The following ENTREP2 variants were observed in gnomAD, a reference collection of about 807,000 sequenced individuals.
ENTREP2 encodes the protein endosomal transmembrane epsin interactor 2.
chr15:29,411,050 T>A, the ENTREP2 span, among the ~76,000 whole-genome samples: 1 of 152,218 alleles, frequency 6.6e-6, no homozygotes, highest in African/African-American at 2.4e-5. Flanking sequence ...CCCAAACTGC[T>A]GAGATTACAG....
At chr15:29,596,699 G>C in the ENTREP2 span, among the ~76,000 whole-genome samples, 1 of 151,592 alleles carries the variant, frequency 6.6e-6, no homozygotes, top group Non-Finnish European at 1.5e-5. Flanking sequence ...ACAGATTCTT[G>C]CTCTGTTATT....
At chr15:29,178,578 G>A in the ENTREP2 span, among the ~76,000 whole-genome samples, 4 of 151,938 alleles carry the variant, frequency 2.6e-5, no homozygotes, top group Admixed American at 2.0e-4. Context: ...TAATCAGCTC[G>A]TCCCACAGTG....
At chr15:29,400,191 T>C in the ENTREP2 span, among the ~76,000 whole-genome samples, 1 of 152,200 alleles carries the variant, frequency 6.6e-6, no homozygotes, top group Non-Finnish European at 1.5e-5. Flanking sequence ...GTTACAATGA[T>C]GGGCAGGGTT....
the ENTREP2 span, among the ~76,000 whole-genome samples, chr15:29,458,958 G>A: frequency 1.4e-4 from 21 of 152,156 alleles, no homozygotes; most frequent in African/African-American, 3.4e-4. Flanking sequence ...TTCAGCAGGT[G>A]TCCGGTGCTG....
At chr15:29,216,015 G>GT in the ENTREP2 span, among the ~76,000 whole-genome samples, 4 of 152,058 alleles carry the variant, frequency 2.6e-5, no homozygotes, top group Non-Finnish European at 5.9e-5. Flanking sequence ...GAGTACTTTG[G>GT]TTTTTTTGTT....
chr15:29,360,864 A>T, the ENTREP2 span, among the ~76,000 whole-genome samples: 2 of 152,328 alleles, frequency 1.3e-5, no homozygotes, highest in South Asian at 4.1e-4. Context: ...TATTCCCTGG[A>T]CAGGCTGAGC....
chr15:29,370,161 TA>T, the ENTREP2 span, among the ~76,000 whole-genome samples: 7 of 151,962 alleles, frequency 4.6e-5, no homozygotes, highest in African/African-American at 1.7e-4. Context: ...GCAATTACAT[TA>T]AAAAATTAAA....
At chr15:29,217,082 A>G in the ENTREP2 span, among the ~76,000 whole-genome samples, 4 of 152,360 alleles carry the variant, frequency 2.6e-5, no homozygotes, top group East Asian at 7.7e-4. Context: ...GTTACAGGCA[A>G]GTAAACAGTT....
the ENTREP2 span, among the ~76,000 whole-genome samples, chr15:29,628,443 T>C: frequency 1.3e-5 from 2 of 152,236 alleles, no homozygotes; most frequent in Non-Finnish European, 2.9e-5. Context: ...CAGGTTTTCA[T>C]CTATCTTAAA....
chr15:29,482,164 ATT>A, the ENTREP2 span, among the ~76,000 whole-genome samples: 9 of 135,210 alleles, frequency 6.7e-5, no homozygotes, highest in Non-Finnish European at 7.8e-5. Flanking sequence ...CAGGCAGCTA[ATT>A]TTTTTTTTTT....
the ENTREP2 span, among the ~76,000 whole-genome samples, chr15:29,477,884 T>C: frequency 1.3e-5 from 2 of 151,694 alleles, no homozygotes; most frequent in African/African-American, 4.8e-5. Flanking sequence ...AATCACGTTC[T>C]GCTTCCCTCT....
chr15:29,326,179 T>C, the ENTREP2 span, among the ~76,000 whole-genome samples: 1 of 152,134 alleles, frequency 6.6e-6, no homozygotes, highest in East Asian at 1.9e-4. Flanking sequence ...GGCAAGGATA[T>C]CCTCTCTCAC....
At chr15:29,649,982 A>G in the ENTREP2 span, among the ~76,000 whole-genome samples, 1 of 152,082 alleles carries the variant, frequency 6.6e-6, no homozygotes, top group African/African-American at 2.4e-5. Context: ...CTGTACTATC[A>G]TAACCACCCC....
chr15:29,360,947 G>A, the ENTREP2 span, among the ~76,000 whole-genome samples: 1 of 152,220 alleles, frequency 6.6e-6, no homozygotes, highest in African/African-American at 2.4e-5. Context: ...TCTGAGGCTG[G>A]AGAGAAGACT....
At chr15:29,489,238 C>T in the ENTREP2 span, among the ~76,000 whole-genome samples, 48 of 152,308 alleles carry the variant, frequency 3.2e-4, no homozygotes, top group East Asian at 9.1e-3. Context: ...CTCTTCCTTC[C>T]TTCCTTACCT....
chr15:29,631,722 G>A, the ENTREP2 span, among the ~76,000 whole-genome samples: 2 of 152,164 alleles, frequency 1.3e-5, no homozygotes, highest in African/African-American at 4.8e-5. Flanking sequence ...GTCTAGCTGG[G>A]GGTGGGGACA....
the ENTREP2 span, among the ~76,000 whole-genome samples, chr15:29,359,914 A>G: frequency 6.6e-4 from 100 of 152,328 alleles, no homozygotes; most frequent in African/African-American, 2.4e-3. Context: ...TATTTATTGT[A>G]TATCATAAAA....
At chr15:29,439,665 A>G in the ENTREP2 span, among the ~76,000 whole-genome samples, 1 of 152,198 alleles carries the variant, frequency 6.6e-6, no homozygotes, top group Non-Finnish European at 1.5e-5. Context: ...GGACATTTGC[A>G]AGGCCTGGAA....
the ENTREP2 span, among the ~76,000 whole-genome samples, chr15:29,340,322 A>T: frequency 1.3e-5 from 2 of 152,142 alleles, no homozygotes; most frequent in Non-Finnish European, 2.9e-5. Context: ...TTTTTGCAGG[A>T]AGAATAGGAG....
Sources: gnomAD v4.1 joint callset for allele counts (sites outside exome capture counted in the v4.1 genomes callset) on GRCh38, gnomAD v4.1.1 for gene constraint, MANE v1.5 for transcripts, NCBI Gene and HGNC (gene_info 2026-07-23, HGNC 2026-07-21) for gene names.